The following ZNF516 variants were observed in gnomAD, a reference collection of about 807,000 sequenced individuals.
ZNF516 encodes zinc finger protein 516.
A neutral mutation model predicts 79.7 loss-of-function variants in ZNF516; 19 were observed. The observed-to-expected ratio is 0.24, with a 90% CI of 0.17 to 0.35. The LOEUF (loss-of-function observed/expected upper bound fraction) is 0.35. ZNF516 is among the 10% of genes least tolerant of loss of function. The pLI, the probability that ZNF516 is intolerant of heterozygous loss-of-function variation, is 1.00. For synonymous variants in ZNF516, 877 were observed against 739.5 expected, an observed-to-expected ratio of 1.19 and a Z score of -3.02; for missense variants, 1,678 against 1,679.5, an observed-to-expected ratio of 1.00 and a Z score of 0.02.
In ZNF516 at chr18:76,360,161, C is replaced by G. The variant is rs1599118536; in HGVS notation, c.*2337G>C. On this transcript the variant is annotated 3_prime_UTR_variant, in exon 7 of 7. Transcript: ENST00000443185. ...AGGGCCCCAGCGCCAGCCCACTCCC[C>G]ACCAGAGCCTCCAGGATGGAGCCTC... 4 of 152,520 alleles carry G rather than the reference C, an allele frequency of 2.6e-5. No homozygotes were observed. Among genetic ancestry groups the G allele is most frequent in the East Asian group, 3.9e-4 (2 of 5,192 alleles). 9.4% of individuals were successfully genotyped at this position (152,520 alleles called of 1,614,324 possible). A position where few individuals can be genotyped will look rare whatever the true frequency, so the allele number is the denominator to read the frequency against.
chr18:76,491,047 C>A, intron 1 of ZNF516: 1 of 985,412 alleles, frequency 1.0e-6, no homozygotes, highest in South Asian at 4.7e-5. Context: ...CGCTCGCGGG[C>A]GCAGGACCGG....
At chr18:76,472,452 C>T (rs1302959073) in intron 1 of ZNF516, among the ~76,000 whole-genome samples, 1 of 152,268 alleles carries the variant, frequency 6.6e-6, no homozygotes, top group African/African-American at 2.4e-5. Flanking sequence ...TGTATATTCA[C>T]ATATGCATGT....
At chr18:76,439,822 AGAGT>A (rs1258255821) in intron 3 of ZNF516, among the ~76,000 whole-genome samples, 1 of 152,236 alleles carries the variant, frequency 6.6e-6, no homozygotes, top group Non-Finnish European at 1.5e-5. Flanking sequence ...AAAAGTAGAC[AGAGT>A]ATTACTGGAA....
intron 2 of ZNF516, among the ~76,000 whole-genome samples, chr18:76,448,267 T>A (rs1309226180): frequency 5.9e-5 from 9 of 152,236 alleles, no homozygotes; most frequent in African/African-American, 2.2e-4. Flanking sequence ...TTTTTGCCTA[T>A]ATCATACAAT....
chr18:76,488,107 CG>C lies in ZNF516; in HGVS notation c.-272+7036del, dbSNP rs1343389746. 3 of 984,942 alleles carry C rather than the reference CG, an allele frequency of 3.0e-6. No homozygotes were observed. The African/African-American group carries it at 5.3e-5, about 17-fold the overall frequency. The allele number at this position is 984,942 out of a possible 1,614,324, so 61.0% of individuals were successfully genotyped here. A position where few individuals can be genotyped will look rare whatever the true frequency, so the allele number is the denominator to read the frequency against. On this transcript the variant is annotated intron_variant, in intron 1 of 6. Transcript: ENST00000443185. ...CACATCCCTCGGTGCCTCTCATACA[CG>C]GGGAGATGTATTCCAACCATCACCC...
chr18:76,392,231 C>A (rs1444268166), intron 3 of ZNF516, among the ~76,000 whole-genome samples: 1 of 152,212 alleles, frequency 6.6e-6, no homozygotes, highest in African/African-American at 2.4e-5. Flanking sequence ...GGGAAAGAAG[C>A]ATCTTTTGAC....
rs149090944 is a variant in ZNF516, at chr18:76,390,899, G to A, written c.1811-10596C>T. Among the ~76,000 whole-genome samples the A allele has an allele frequency of 2.9e-3, 436 of 152,254 alleles. 2 individuals carry two copies. Among genetic ancestry groups the A allele is most frequent in the African/African-American group, 9.8e-3 (407 of 41,526 alleles). On this transcript the variant is annotated intron_variant, in intron 3 of 6. Coordinates refer to ENST00000443185, the MANE Select transcript of ZNF516 (RefSeq NM_014643.4). ...GGTCACCGTCCCATTTTGTAGATAC[G>A]AAACCTGAGGCACAAAGCAGCTTAT...
intron 1 of ZNF516, among the ~76,000 whole-genome samples, chr18:76,473,328 AAAATT>A (rs1489856888): frequency 3.4e-5 from 5 of 147,996 alleles, no homozygotes; most frequent in African/African-American, 7.5e-5. Flanking sequence ...GATAGGGTTA[AAAATT>A]AAATTGACTA....
chr18:76,384,677 G>A (rs1484037603), intron 3 of ZNF516, among the ~76,000 whole-genome samples: 1 of 151,052 alleles, frequency 6.6e-6, no homozygotes, highest in Non-Finnish European at 1.5e-5. Flanking sequence ...TGAAACGGAA[G>A]AACTCGGCTA....
intron 1 of ZNF516, chr18:76,492,717 G>A: frequency 2.0e-6 from 2 of 985,458 alleles, no homozygotes; most frequent in Non-Finnish European, 2.4e-6. Flanking sequence ...CAGTTGCTGA[G>A]AAACAATCAC....
intron 3 of ZNF516, among the ~76,000 whole-genome samples, chr18:76,391,147 G>T (rs574687752): frequency 6.6e-6 from 1 of 152,116 alleles, no homozygotes; most frequent in Admixed American, 6.5e-5. Context: ...GCGAGATTTC[G>T]AAAAGAAAAG....
chr18:76,482,539 C>T (rs763480451), intron 1 of ZNF516, among the ~76,000 whole-genome samples: 8 of 152,218 alleles, frequency 5.3e-5, no homozygotes, highest in Middle Eastern at 3.2e-3. Context: ...TGTCGGCTAA[C>T]ATTTACCCAT....
chr18:76,375,284 G>A (rs2074768357), intron 4 of ZNF516, among the ~76,000 whole-genome samples: 2 of 152,200 alleles, frequency 1.3e-5, no homozygotes, highest in Non-Finnish European at 2.9e-5. Flanking sequence ...GAGGATGGAT[G>A]TGAAGGTCCT....
At chr18:76,453,536 C>G (rs1180632239) in intron 2 of ZNF516, among the ~76,000 whole-genome samples, 1 of 152,096 alleles carries the variant, frequency 6.6e-6, no homozygotes, top group Non-Finnish European at 1.5e-5. Context: ...TAGGGAACAC[C>G]AGAGAAAATG....
intron 2 of ZNF516, among the ~76,000 whole-genome samples, chr18:76,446,051 C>A (rs75331011): frequency 5.9e-5 from 9 of 152,000 alleles, no homozygotes; most frequent in African/African-American, 1.9e-4. Flanking sequence ...AAAGTGCACA[C>A]GTGCAGTTGG....
chr18:76,363,520 G>T (rs189790604), intron 6 of ZNF516, among the ~76,000 whole-genome samples: 1 of 152,178 alleles, frequency 6.6e-6, no homozygotes, highest in African/African-American at 2.4e-5. Context: ...GTGGAAGTCA[G>T]AAAGATACTG....
rs998819486 is a variant in ZNF516, at chr18:76,451,350, G to A, written c.-157-8139C>T. ...ATGTCAGCCCGGGATGGATGTCCGC[G>A]GGTGCAGGGGGGTGACAGCCCGGTC... On this transcript the variant is annotated intron_variant, in intron 2 of 6. Coordinates refer to ENST00000443185, the MANE Select transcript of ZNF516 (RefSeq NM_014643.4). The surrounding 1 kb of genome is among the most constrained non-coding windows in gnomAD (Gnocchi z 6.0). Among the ~76,000 whole-genome samples, 12 of 152,282 alleles carry A rather than the reference G, an allele frequency of 7.9e-5. No individual in the cohort carries two copies. Among genetic ancestry groups the A allele is most frequent in the Non-Finnish European group, 1.5e-4 (10 of 68,018 alleles).
At chr18:76,363,508 T>C (rs1040017269) in intron 6 of ZNF516, among the ~76,000 whole-genome samples, 3 of 152,160 alleles carry the variant, frequency 2.0e-5, no homozygotes, top group Admixed American at 6.5e-5. Context: ...AGTTGGCATG[T>C]AGTGGAAGTC....
chr18:76,418,348 CAT>C (rs909614053), intron 3 of ZNF516, among the ~76,000 whole-genome samples: 11 of 152,106 alleles, frequency 7.2e-5, no homozygotes, highest in South Asian at 2.1e-4. Context: ...CACGCTGTGA[CAT>C]ATGCTGTAAC....
Sources: allele counts gnomAD v4.1 joint callset (sites outside exome capture counted in the v4.1 genomes callset), GRCh38; gene constraint gnomAD v4.1.1; non-coding constraint Gnocchi (gnomAD v3.1); transcripts MANE v1.5; gene names NCBI Gene and HGNC (gene_info 2026-07-23, HGNC 2026-07-21).